PKHD1: variants seen among roughly 807,000 people sequenced by gnomAD.
PKHD1 encodes the protein fibrocystin.
Under a neutral mutation model 412.0 loss-of-function variants are expected in PKHD1, and 291 were observed. The observed-to-expected ratio is 0.71, with a 90% CI of 0.64 to 0.78. The LOEUF is 0.78. Among genes scored for constraint, PKHD1 ranks in the 30% least tolerant of loss-of-function variants. PKHD1 has a pLI of 0.00. For missense variants in PKHD1, 4,825 were observed against 4,950.7 expected (o/e 0.97, Z 0.76); for synonymous variants, 1,777 against 1,821.5 (o/e 0.98, Z 0.62).
intron 55 of PKHD1, among the ~76,000 whole-genome samples, chr6:51,767,253 T>C (rs1206193335): frequency 6.7e-6 from 1 of 149,662 alleles, no homozygotes; most frequent in Non-Finnish European, 1.5e-5. Flanking sequence ...TATTTTCTCT[T>C]TTTTTTGGCC....
chr6:51,916,987 T>C (rs1783899851), intron 37 of PKHD1, among the ~76,000 whole-genome samples: 1 of 152,046 alleles, frequency 6.6e-6, no homozygotes, highest in Non-Finnish European at 1.5e-5. Flanking sequence ...CATTCATCCA[T>C]AATTACACAG....
chr6:51,895,796 G>T (rs1246092327), intron 43 of PKHD1, among the ~76,000 whole-genome samples: 7 of 151,976 alleles, frequency 4.6e-5, no homozygotes, highest in Non-Finnish European at 1.0e-4. Flanking sequence ...GTGGGCGCAG[G>T]TCAGTGGGTG....
At chr6:51,923,378 C>T (rs1785008811) in intron 37 of PKHD1, among the ~76,000 whole-genome samples, 1 of 151,876 alleles carries the variant, frequency 6.6e-6, no homozygotes, top group Non-Finnish European at 1.5e-5. Context: ...TGCAAAGCAG[C>T]CATAGATAAT....
In PKHD1 at chr6:51,644,335, TC is replaced by T. The variant is rs1386755275; in HGVS notation, c.11398+3695del. Among the ~76,000 whole-genome samples the T allele has an allele frequency of 5.9e-5, 9 of 152,322 alleles. No individual in the cohort carries two copies. The South Asian group carries it at 1.9e-3, about 32-fold the overall frequency. On this transcript the variant is annotated intron_variant, in intron 63 of 66. Coordinates refer to ENST00000371117, the MANE Select transcript of PKHD1 (RefSeq NM_138694.4). Reference sequence around the variant, plus strand: ...AATAACAAAAAATTAAGGAACAATGTCATCAGAAATGGTAGGCAATGTGCAC... The same window carrying T: ...AATAACAAAAAATTAAGGAACAATGTATCAGAAATGGTAGGCAATGTGCAC...
chr6:51,667,931 C>A (rs2150476769), intron 60 of PKHD1, among the ~76,000 whole-genome samples: 1 of 152,200 alleles, frequency 6.6e-6, no homozygotes, highest in East Asian at 1.9e-4. Flanking sequence ...CAGTACCATG[C>A]TGTTTTGGTT....
chr6:51,971,247 C>T (rs1015532946), intron 35 of PKHD1, among the ~76,000 whole-genome samples: 1 of 152,172 alleles, frequency 6.6e-6, no homozygotes, highest in African/African-American at 2.4e-5. Flanking sequence ...AGATGGTGGT[C>T]ATTTGTTATG....
rs750887164 is a variant in PKHD1, at chr6:52,066,044, A to T, written c.812T>A (p.Leu271His). 6.5e-5 allele frequency: 104 copies of T among 1,599,674 alleles called. 2 individuals carry two copies. The East Asian group carries it at 2.3e-3, about 35-fold the overall frequency. Residue 271 changes from leucine (L) to histidine (H), a missense_variant, in exon 12 of 67, where the codon CTT (leucine) becomes CAT (histidine). Physicochemically the swap from Leu to His is moderately conservative, Grantham distance 99. Coordinates refer to ENST00000371117, the MANE Select transcript of PKHD1 (RefSeq NM_138694.4). ...AATTGTGATGTTTGTTCTTCCCCCA[A>T]GGCTCCCAGTTTCTGGAAACACAGA... ...ILSVFPETGS[L>H]GGRTNITITG...
chr6:51,994,793 G>C (rs1226955212), intron 35 of PKHD1, among the ~76,000 whole-genome samples: 1 of 152,008 alleles, frequency 6.6e-6, no homozygotes, highest in African/African-American at 2.4e-5. Flanking sequence ...ATGTTGCCCA[G>C]GCTGGTCTCA....
At chr6:51,822,712 A>G (rs997554532) in intron 52 of PKHD1, among the ~76,000 whole-genome samples, 1 of 152,168 alleles carries the variant, frequency 6.6e-6, no homozygotes, top group Non-Finnish European at 1.5e-5. Context: ...GTATATGACT[A>G]TAATGGAATT....
intron 18 of PKHD1, 107 bp from the exon 19 acceptor site, chr6:52,055,836 C>T: frequency 1.6e-6 from 2 of 1,227,976 alleles, no homozygotes; most frequent in Non-Finnish European, 2.3e-6. Context: ...TTAAGAAAAC[C>T]CCCGTTCTAA....
At chr6:52,051,987 G>A (rs1196619536) in intron 21 of PKHD1, among the ~76,000 whole-genome samples, 1 of 152,128 alleles carries the variant, frequency 6.6e-6, no homozygotes, top group Non-Finnish European at 1.5e-5. Flanking sequence ...GAGGAGAGAT[G>A]GGATTTTGAT....
intron 60 of PKHD1, among the ~76,000 whole-genome samples, chr6:51,678,125 G>A (rs912737733): frequency 3.3e-5 from 5 of 152,122 alleles, no homozygotes; most frequent in African/African-American, 9.7e-5. Flanking sequence ...AACTCAGGAA[G>A]TACAGCTTAG....
At chr6:51,855,282 G>A (rs1166941080) in intron 49 of PKHD1, among the ~76,000 whole-genome samples, 2 of 152,228 alleles carry the variant, frequency 1.3e-5, no homozygotes, top group Non-Finnish European at 2.9e-5. Flanking sequence ...CTTGGTTGCC[G>A]ATGAAGGCTT....
At chr6:51,974,845 A>C (rs978337939) in intron 35 of PKHD1, among the ~76,000 whole-genome samples, 3 of 152,206 alleles carry the variant, frequency 2.0e-5, no homozygotes, top group African/African-American at 7.2e-5. Context: ...GTTTCCCAAA[A>C]ATCTATTGAA....
Position 51,885,979 on chromosome 6 carries a change from A to T in PKHD1, c.7110-7T>A, listed in dbSNP as rs113034899. 1.4e-3 allele frequency: 2,086 copies of T among 1,505,562 alleles called. 28 individuals are homozygous for T. In the African/African-American group the frequency reaches 0.025, roughly 18 times the overall value. 93.3% of individuals were successfully genotyped at this position (1,505,562 alleles called of 1,614,324 possible). A position where few individuals can be genotyped will look rare whatever the true frequency, so the allele number is the denominator to read the frequency against. Reference sequence around the variant, plus strand: ...GTATACAAAGAGACCATACCTAAAAAGTGAAACAGAATGAAATTAAGCCAA... The same window carrying T: ...GTATACAAAGAGACCATACCTAAAATGTGAAACAGAATGAAATTAAGCCAA... On this transcript the variant is annotated splice_polypyrimidine_tract_variant and splice_region_variant and intron_variant, in intron 44 of 66. Coordinates refer to ENST00000371117, the MANE Select transcript of PKHD1 (RefSeq NM_138694.4).
At chr6:51,664,951 A>C (rs560858784) in intron 60 of PKHD1, among the ~76,000 whole-genome samples, 2 of 152,238 alleles carry the variant, frequency 1.3e-5, no homozygotes, top group South Asian at 4.1e-4. Context: ...GTTTCATCAA[A>C]TATTAGTTAT....
At chr6:51,671,915 C>A (rs1482146377) in intron 60 of PKHD1, among the ~76,000 whole-genome samples, 8 of 152,128 alleles carry the variant, frequency 5.3e-5, no homozygotes, top group Non-Finnish European at 1.0e-4. Context: ...TCTCAGATCT[C>A]CAGCTGCATG....
chr6:51,767,778 T>C (rs55934300), intron 55 of PKHD1, among the ~76,000 whole-genome samples: 27,907 of 151,994 alleles, frequency 0.18, 3,335 homozygotes, highest in African/African-American at 0.34. Context: ...AATTAACATA[T>C]GTGTGCATGT....
intron 52 of PKHD1, among the ~76,000 whole-genome samples, chr6:51,821,796 C>G (rs1766471404): frequency 6.6e-6 from 1 of 152,198 alleles, no homozygotes; most frequent in Admixed American, 6.5e-5. Context: ...AAGTGATTCT[C>G]ATGCCTCAGC....
Sources: gnomAD v4.1 joint callset for allele counts (sites outside exome capture counted in the v4.1 genomes callset) on GRCh38, gnomAD v4.1.1 for gene constraint, MANE v1.5 for transcripts, NCBI Gene and HGNC (gene_info 2026-07-23, HGNC 2026-07-21) for gene names.